The following MYRIP variants were observed in gnomAD, a reference collection of about 807,000 sequenced individuals.
MYRIP encodes myosin VIIA and Rab interacting protein, also known as rab effector MyRIP.
In MYRIP, 49 loss-of-function variants were observed where a neutral mutation model predicts 98.0. The ratio of observed to expected loss-of-function variants is 0.50; its 90% CI spans 0.40 to 0.63. MYRIP has a LOEUF of 0.63. MYRIP is among the 30% of genes least tolerant of loss of function. MYRIP has a pLI of 0.00. For missense variants in MYRIP, 1,004 were observed against 1,058.2 expected, an observed-to-expected ratio of 0.95 and a Z score of 0.71; for synonymous variants, 404 against 409.5, an observed-to-expected ratio of 0.99 and a Z score of 0.16.
chr3:40,008,392 T>C (rs1946681119), intron 2 of MYRIP, among the ~76,000 whole-genome samples: 1 of 152,238 alleles, frequency 6.6e-6, no homozygotes, highest in African/African-American at 2.4e-5. Context: ...TATTTTAAAA[T>C]GAAGCCTGTT....
rs1024210151 is a variant in MYRIP, at chr3:39,900,903, C to T, written c.87C>T (p.Arg29=). Residue 29 remains arginine, a synonymous_variant, in exon 2 of 17, where the codon CGC becomes CGT. Coordinates refer to ENST00000302541, the MANE Select transcript of MYRIP (RefSeq NM_015460.4). The part of the protein sequence containing the change: ...LQVVQRDFNL[R]KKEEERLSEL... ...TGGTTCAAAGAGACTTCAATCTTCGCAAAAAAGAAGAAGAACGACTAAGGT... is the reference window on the plus strand; with the variant it reads ...TGGTTCAAAGAGACTTCAATCTTCGTAAAAAAGAAGAAGAACGACTAAGGT... The T allele has an allele frequency of 1.9e-6, 3 of 1,612,506 alleles. No individual in the cohort carries two copies. Among genetic ancestry groups the T allele is most frequent in the Admixed American group, 1.7e-5 (1 of 59,946 alleles).
chr3:40,231,635 C>T (rs751685851), intron 11 of MYRIP, among the ~76,000 whole-genome samples: 44 of 152,210 alleles, frequency 2.9e-4, no homozygotes, highest in Non-Finnish European at 5.6e-4. Flanking sequence ...CAGTTGGAGT[C>T]AGAATACAGA....
chr3:40,094,012 C>T (rs1198263916), intron 3 of MYRIP, among the ~76,000 whole-genome samples: 1 of 152,148 alleles, frequency 6.6e-6, no homozygotes, highest in African/African-American at 2.4e-5. Flanking sequence ...AAGGCCTTTG[C>T]ACGTGCTATT....
intron 10 of MYRIP, among the ~76,000 whole-genome samples, chr3:40,202,089 T>C (rs1210202966): frequency 2.0e-5 from 3 of 152,268 alleles, no homozygotes; most frequent in Admixed American, 2.0e-4. Context: ...CTCTGAAGTC[T>C]ACTAAAATAA....
chr3:40,029,397 T>C (rs1947208919), intron 2 of MYRIP, among the ~76,000 whole-genome samples: 1 of 152,158 alleles, frequency 6.6e-6, no homozygotes, highest in Non-Finnish European at 1.5e-5. Context: ...AGGCAACAAA[T>C]AAGTACCGGG....
At chr3:40,001,591 C>CA (rs1946520664) in intron 2 of MYRIP, among the ~76,000 whole-genome samples, 1 of 152,210 alleles carries the variant, frequency 6.6e-6, no homozygotes, top group African/African-American at 2.4e-5. Context: ...ATCAGTCAGT[C>CA]AGTCAACAAT....
intron 1 of MYRIP, among the ~76,000 whole-genome samples, chr3:39,860,787 A>G (rs1283806843): frequency 6.6e-6 from 1 of 152,148 alleles, no homozygotes; most frequent in Non-Finnish European, 1.5e-5. Flanking sequence ...TCAATTCACT[A>G]GTGTATGCAC....
chr3:40,076,611 C>A (rs1194021730), intron 3 of MYRIP, among the ~76,000 whole-genome samples: 3 of 152,192 alleles, frequency 2.0e-5, no homozygotes, highest in African/African-American at 7.2e-5. Context: ...TGGAGGAGGA[C>A]CACCTTCTGT....
Sources: gnomAD v4.1 joint callset for allele counts (sites outside exome capture counted in the v4.1 genomes callset) on GRCh38, gnomAD v4.1.1 for gene constraint, MANE v1.5 for transcripts, NCBI Gene and HGNC (gene_info 2026-07-23, HGNC 2026-07-21) for gene names.